The following ANKRD36 variants were observed in gnomAD, a reference collection of about 807,000 sequenced individuals.
ANKRD36 encodes the protein ankyrin repeat domain 36.
ANKRD36 carries 179 observed loss-of-function variants against 278.1 expected under a neutral mutation model. That is an observed-to-expected ratio of 0.64 (90% CI 0.57 to 0.73). The LOEUF is 0.73. ANKRD36 is among the 30% of genes least tolerant of loss of function. The pLI is 0.00. For missense variants in ANKRD36, 1,159 were observed against 1,956.7 expected (o/e 0.59, Z 7.69); for synonymous variants, 320 against 641.1 (o/e 0.50, Z 7.57).
intron 6 of ANKRD36, among the ~76,000 whole-genome samples, chr2:97,141,252 T>C (rs960879615): frequency 5.4e-5 from 8 of 146,940 alleles, no homozygotes; most frequent in Non-Finnish European, 1.2e-4. Flanking sequence ...TTTACATATA[T>C]ATATATTTGG....
chr2:97,215,482 C>T lies in ANKRD36; in HGVS notation c.3658C>T (p.Gln1220Ter). 3 of 1,576,108 alleles carry T rather than the reference C, an allele frequency of 1.9e-6. No homozygotes were observed. Among genetic ancestry groups the T allele is most frequent in the Non-Finnish European group, 2.6e-6 (3 of 1,162,182 alleles). Residue 1220 changes from glutamine to a stop codon, truncating the protein, a stop_gained, in exon 62 of 76, where the codon CAA becomes TAA. Transcript: ENST00000420699. LOFTEE classifies it high-confidence loss of function. Reference sequence around the variant, plus strand: ...TATAGCCACAGAAATAAAGGATGGACAAATACGTGGGACAGGTATTTTGGA... The same window carrying T: ...TATAGCCACAGAAATAAAGGATGGATAAATACGTGGGACAGGTATTTTGGA... Reference protein sequence around the residue: ...SNIATEIKDGQIRGTVSPQKQ... With the variant: ...SNIATEIKDG
At chr2:97,181,207 G>C (rs1432374572) in intron 24 of ANKRD36, among the ~76,000 whole-genome samples, 1 of 151,598 alleles carries the variant, frequency 6.6e-6, no homozygotes, top group Non-Finnish European at 1.5e-5. Flanking sequence ...GAAGTATAAT[G>C]GTGTAAATCC....
intron 10 of ANKRD36, among the ~76,000 whole-genome samples, chr2:97,144,994 A>G (rs2043893692): frequency 6.6e-6 from 1 of 151,960 alleles, no homozygotes; most frequent in South Asian, 2.1e-4. Context: ...TTTTGCTTTA[A>G]TTCTACAGCA....
rs561390722 is a variant in ANKRD36, at chr2:97,137,822, C to T, written c.800-4818C>T. The stretch of plus-strand genomic sequence containing the variant: ...TTCTAAATGGCGCGAGATGGTATCT[C>T]ATTGTGGTTTTGATTTGCATTTCTC... On this transcript the variant is annotated intron_variant, in intron 6 of 75. Transcript: ENST00000420699. 2.0e-5 allele frequency among the ~76,000 whole-genome samples: 3 copies of T among 152,230 alleles called. No individual in the cohort carries two copies. The East Asian group carries it at 5.8e-4, about 29-fold the overall frequency.
intron 10 of ANKRD36, 64 bp downstream of exon 10, chr2:97,144,776 T>C: frequency 6.6e-7 from 1 of 1,520,216 alleles, no homozygotes; most frequent in South Asian, 1.2e-5. Flanking sequence ...CTTCCCCAAA[T>C]AAATCAGCAG....
chr2:97,122,433 A>G (rs983762924), intron 3 of ANKRD36, among the ~76,000 whole-genome samples: 5 of 145,556 alleles, frequency 3.4e-5, no homozygotes, highest in Non-Finnish European at 6.1e-5. Flanking sequence ...TTTGGAATAT[A>G]TTAATAGTTT....
intron 22 of ANKRD36, among the ~76,000 whole-genome samples, chr2:97,168,712 G>A (rs1453189814): frequency 2.0e-5 from 3 of 152,262 alleles, no homozygotes; most frequent in East Asian, 3.9e-4. Flanking sequence ...GTGGCATTTG[G>A]TTTTCTTTTC....
chr2:97,197,892 A>T (rs2060227099), intron 42 of ANKRD36, among the ~76,000 whole-genome samples: 1 of 152,006 alleles, frequency 6.6e-6, no homozygotes, highest in Non-Finnish European at 1.5e-5. Flanking sequence ...GGGGTGAGAG[A>T]TAATGAGTAT....
chr2:97,200,867 C>T (rs1244747603), intron 46 of ANKRD36, among the ~76,000 whole-genome samples: 10 of 151,988 alleles, frequency 6.6e-5, no homozygotes, highest in East Asian at 3.9e-4. Flanking sequence ...ATTTTACAGA[C>T]GTCACATCAT....
intron 66 of ANKRD36, among the ~76,000 whole-genome samples, chr2:97,222,481 C>G (rs1197576744): frequency 6.6e-6 from 1 of 152,106 alleles, no homozygotes; most frequent in Non-Finnish European, 1.5e-5. Context: ...ACATCCTCAC[C>G]AGCATTTCTT....
intron 26 of ANKRD36, 27 bp from the exon 27 acceptor site, chr2:97,183,432 G>A (rs2056720011): frequency 6.5e-7 from 1 of 1,543,604 alleles, no homozygotes; most frequent in South Asian, 1.2e-5. Flanking sequence ...TACATATGAT[G>A]GATTATATAT....
At chr2:97,186,826 A>G (rs2057499354) in intron 30 of ANKRD36, among the ~76,000 whole-genome samples, 1 of 151,946 alleles carries the variant, frequency 6.6e-6, no homozygotes, top group East Asian at 2.0e-4. Context: ...ATCTTGCATA[A>G]AAGACATGTG....
chr2:97,154,818 A>C, intron 15 of ANKRD36, 77 bp downstream of exon 15: 1 of 1,223,090 alleles, frequency 8.2e-7, no homozygotes, highest in Middle Eastern at 1.8e-4. Flanking sequence ...AGCAAATAAT[A>C]GGTAGCAATT....
At chr2:97,207,869 T>C (rs757345792) in intron 53 of ANKRD36, 30 bp downstream of exon 53, 30 of 1,544,348 alleles carry the variant, frequency 1.9e-5, no homozygotes, top group African/African-American at 2.8e-5. Flanking sequence ...TATTGTGAAC[T>C]AGTAAATGTA....
chr2:97,199,497 G>C (rs1425003810), intron 44 of ANKRD36, among the ~76,000 whole-genome samples: 3 of 151,906 alleles, frequency 2.0e-5, no homozygotes, highest in Non-Finnish European at 4.4e-5. Flanking sequence ...TTAGACACAA[G>C]AATGATGTTG....
intron 22 of ANKRD36, among the ~76,000 whole-genome samples, chr2:97,178,548 A>G (rs1355174691): frequency 6.6e-6 from 1 of 151,728 alleles, no homozygotes; most frequent in Non-Finnish European, 1.5e-5. Context: ...TGAAATTGGA[A>G]ATCATCATTC....
chr2:97,175,938 A>G (rs2054111545), intron 22 of ANKRD36, among the ~76,000 whole-genome samples: 1 of 151,842 alleles, frequency 6.6e-6, no homozygotes, highest in South Asian at 2.1e-4. Flanking sequence ...AGCGGTTTTG[A>G]GTGAGATTCT....
chr2:97,199,061 G>A (rs1484548881), intron 44 of ANKRD36, among the ~76,000 whole-genome samples: 1 of 151,916 alleles, frequency 6.6e-6, no homozygotes, highest in Non-Finnish European at 1.5e-5. Flanking sequence ...CGTAGACACT[G>A]TAGGAGAACT....
intron 14 of ANKRD36, 98 bp from the exon 15 acceptor site, chr2:97,154,577 A>G (rs1458807853): frequency 5.0e-6 from 5 of 994,176 alleles, no homozygotes; most frequent in Non-Finnish European, 7.3e-6. Flanking sequence ...TTGTTTTACC[A>G]TTTTTTTTGG....
Sources: gnomAD v4.1 joint callset for allele counts (sites outside exome capture counted in the v4.1 genomes callset) on GRCh38, gnomAD v4.1.1 for gene constraint, MANE v1.5 for transcripts, NCBI Gene and HGNC (gene_info 2026-07-23, HGNC 2026-07-21) for gene names.